Variants in KCNIP4 observed in about 807,000 individuals in gnomAD.
KCNIP4 encodes the protein Kv channel-interacting protein 4.
In KCNIP4, 12 loss-of-function variants were observed where a neutral mutation model predicts 34.0. The ratio of observed to expected loss-of-function variants is 0.35; its 90% CI spans 0.23 to 0.57. The LOEUF (loss-of-function observed/expected upper bound fraction) is 0.57, where lower values mean the gene tolerates loss of function less well. Among genes scored for constraint, KCNIP4 ranks in the 20% least tolerant of loss-of-function variants. The probability of loss-of-function intolerance (pLI) is 0.83; values close to 1 mark genes in which losing one functional copy is unlikely to be tolerated. For synonymous variants in KCNIP4, 124 were observed against 102.2 expected (o/e 1.21, Z -1.29); for missense variants, 238 against 311.7 (o/e 0.76, Z 1.78).
intron 1 of KCNIP4, among the ~76,000 whole-genome samples, chr4:21,318,289 G>A (rs926745254): frequency 6.6e-6 from 1 of 152,144 alleles, no homozygotes; most frequent in Non-Finnish European, 1.5e-5. Context: ...TAAGCCTTTT[G>A]TGTTATCATT....
intron 1 of KCNIP4, among the ~76,000 whole-genome samples, chr4:21,798,113 T>C: frequency 6.9e-6 from 1 of 144,426 alleles, no homozygotes. Flanking sequence ...TGCACTTAAA[T>C]ATATAAAATA....
At chr4:21,013,459 G>C (rs1328478253) in intron 1 of KCNIP4, among the ~76,000 whole-genome samples, 9 of 151,956 alleles carry the variant, frequency 5.9e-5, no homozygotes, top group Non-Finnish European at 1.2e-4. Context: ...CAGACACCAG[G>C]CATGGGGTCG....
intron 1 of KCNIP4, among the ~76,000 whole-genome samples, chr4:21,063,879 A>C (rs1003790892): frequency 6.6e-6 from 1 of 152,138 alleles, no homozygotes; most frequent in Non-Finnish European, 1.5e-5. Context: ...TTATATTAAT[A>C]ATATGAAATA....
chr4:21,898,255 T>C (rs1026045177), intron 1 of KCNIP4, among the ~76,000 whole-genome samples: 4 of 152,112 alleles, frequency 2.6e-5, no homozygotes, highest in Non-Finnish European at 5.9e-5. Flanking sequence ...TGTGCTGGGC[T>C]TGGAGTCAGT....
At chr4:21,385,604 A>G (rs949015288) in intron 1 of KCNIP4, among the ~76,000 whole-genome samples, 1 of 152,196 alleles carries the variant, frequency 6.6e-6, no homozygotes, top group African/African-American at 2.4e-5. Context: ...GCGAATAGCA[A>G]AAGGATTCAC....
At chr4:21,937,278 C>T (rs187595985) in intron 1 of KCNIP4, among the ~76,000 whole-genome samples, 1 of 152,150 alleles carries the variant, frequency 6.6e-6, no homozygotes, top group East Asian at 1.9e-4. Context: ...TGTTCCTCCG[C>T]CTATATTCCT....
chr4:21,862,117 T>A (rs184704110), intron 1 of KCNIP4, among the ~76,000 whole-genome samples: 1 of 152,254 alleles, frequency 6.6e-6, no homozygotes, highest in Non-Finnish European at 1.5e-5. Context: ...CAGGACCAAA[T>A]ATCACCTCAT....
At chr4:21,283,906 G>T (rs1015368153) in intron 1 of KCNIP4, among the ~76,000 whole-genome samples, 3 of 151,814 alleles carry the variant, frequency 2.0e-5, no homozygotes, top group Non-Finnish European at 4.4e-5. Context: ...TTATTAAATT[G>T]CCTGCTTTGA....
intron 1 of KCNIP4, among the ~76,000 whole-genome samples, chr4:21,174,438 G>A (rs1754246304): frequency 6.6e-6 from 1 of 152,084 alleles, no homozygotes; most frequent in South Asian, 2.1e-4. Flanking sequence ...TAAATTTGTA[G>A]GGGATTAGAA....
At chr4:21,629,258 G>C (rs145954022) in intron 1 of KCNIP4, among the ~76,000 whole-genome samples, 2 of 152,304 alleles carry the variant, frequency 1.3e-5, no homozygotes, top group Admixed American at 6.5e-5. Flanking sequence ...AATGATACTT[G>C]AGAGTTTAAG....
At chr4:21,149,878 T>C (rs1752637397) in intron 1 of KCNIP4, among the ~76,000 whole-genome samples, 3 of 152,202 alleles carry the variant, frequency 2.0e-5, no homozygotes, top group African/African-American at 2.4e-5. Context: ...AAAGGAATTA[T>C]AAAAACATGG....
chr4:20,964,293 C>T lies in KCNIP4; in HGVS notation c.62-81584G>A, dbSNP rs541487103. On this transcript the variant is annotated intron_variant, in intron 1 of 8. Transcript: ENST00000382152. ...CACATCTGACTTAGAGGCTTACCCA[C>T]GATGCAGTCAACACCTGACCATAGT... Among the ~76,000 whole-genome samples the T allele has an allele frequency of 7.9e-5, 12 of 152,260 alleles. No homozygotes were observed. The South Asian group carries it at 1.9e-3, about 24-fold the overall frequency.
chr4:21,725,600 A>G (rs1715138860), intron 1 of KCNIP4, among the ~76,000 whole-genome samples: 1 of 152,182 alleles, frequency 6.6e-6, no homozygotes, highest in South Asian at 2.1e-4. Flanking sequence ...TAATCTTTGC[A>G]TTAGTATATC....
intron 1 of KCNIP4, among the ~76,000 whole-genome samples, chr4:21,577,072 A>T (rs1740797812): frequency 6.6e-6 from 1 of 152,026 alleles, no homozygotes; most frequent in African/African-American, 2.4e-5. Context: ...CCACCCCATA[A>T]ATGAATACCA....
chr4:20,811,944 G>C (rs1164595665), intron 3 of KCNIP4, among the ~76,000 whole-genome samples: 1 of 152,150 alleles, frequency 6.6e-6, no homozygotes, highest in Non-Finnish European at 1.5e-5. Context: ...CAAAGGAAGA[G>C]CAGATTCCCA....
At chr4:21,613,283 G>C (rs889192588) in intron 1 of KCNIP4, 5 of 152,092 alleles carry the variant, frequency 3.3e-5, no homozygotes, top group Admixed American at 2.6e-4. Flanking sequence ...TCAGAGGCTG[G>C]GTTATCAAAG....
Position 20,967,030 on chromosome 4 carries a change from G to A in KCNIP4, c.62-84321C>T, listed in dbSNP as rs541448823. Among the ~76,000 whole-genome samples, 6 of 152,262 alleles carry A rather than the reference G, an allele frequency of 3.9e-5. No individual in the cohort carries two copies. In the East Asian group the frequency reaches 1.2e-3, roughly 29 times the overall value. On this transcript the variant is annotated intron_variant, in intron 1 of 8. Transcript: ENST00000382152. ...AAAATTTGACCTGTGTATCTTCAAA[G>A]CTCAGTGTGTCCTAACCTTAGTACC... is the stretch of plus-strand genomic sequence containing the variant.
At chr4:21,182,612 C>T (rs971975468) in intron 1 of KCNIP4, among the ~76,000 whole-genome samples, 1 of 152,014 alleles carries the variant, frequency 6.6e-6, no homozygotes, top group Non-Finnish European at 1.5e-5. Flanking sequence ...TCTCCCAACC[C>T]CCTCTACCCT....
At chr4:21,006,276 A>G (rs1030955732) in intron 1 of KCNIP4, among the ~76,000 whole-genome samples, 1 of 152,234 alleles carries the variant, frequency 6.6e-6, no homozygotes, top group Non-Finnish European at 1.5e-5. Flanking sequence ...TAGATGCTCC[A>G]TAAATTCTAC....
Sources: gnomAD v4.1 joint callset for allele counts (sites outside exome capture counted in the v4.1 genomes callset) on GRCh38, gnomAD v4.1.1 for gene constraint, MANE v1.5 for transcripts, NCBI Gene and HGNC (gene_info 2026-07-23, HGNC 2026-07-21) for gene names.